Variants in PFKFB4 observed in about 807,000 individuals in gnomAD.
PFKFB4 encodes the protein 6-phosphofructo-2-kinase/fructose-2,6-biphosphatase 4.
PFKFB4 carries 42 observed loss-of-function variants against 62.8 expected under a neutral mutation model. The ratio of observed to expected loss-of-function variants is 0.67; its 90% confidence interval spans 0.52 to 0.86. The LOEUF (loss-of-function observed/expected upper bound fraction) is 0.86. Ranked by LOEUF, PFKFB4 falls within the 40% of genes least tolerant of loss-of-function variation. The pLI is 0.00. For missense variants in PFKFB4, 475 were observed against 627.2 expected (o/e 0.76, Z 2.59); for synonymous variants, 204 against 240.7 (o/e 0.85, Z 1.41).
intron 9 of PFKFB4, among the ~76,000 whole-genome samples, chr3:48,527,664 A>G (rs2042305403): frequency 1.3e-5 from 2 of 150,932 alleles, no homozygotes; most frequent in African/African-American, 4.9e-5. Flanking sequence ...GAAGAGGATG[A>G]CAGAGAAAGC....
At chr3:48,559,893 TCCC>T, upstream of PFKFB4, 2 of 222,350 alleles carry the variant, frequency 9.0e-6, no homozygotes, top group South Asian at 6.7e-5. Context: ...TGCCAAACCA[TCCC>T]ACCACACACA....
chr3:48,561,090 C>CTG (rs1243139626), upstream of PFKFB4: 3 of 1,283,904 alleles, frequency 2.3e-6, no homozygotes, highest in Non-Finnish European at 3.0e-6. This position sits in a 1 kb window ranked among gnomAD's most constrained non-coding sequence, Gnocchi z 5.2. Context: ...GGTCAGGGAG[C>CTG]TGCCTCCTAA....
upstream of PFKFB4, chr3:48,561,513 C>T (rs1257917830): frequency 6.5e-6 from 1 of 153,776 alleles, no homozygotes; most frequent in African/African-American, 2.4e-5. This position sits in a 1 kb window ranked among gnomAD's most constrained non-coding sequence, Gnocchi z 5.2. Flanking sequence ...AAAACCTAGT[C>T]CTTCCAAACC....
intron 9 of PFKFB4, among the ~76,000 whole-genome samples, chr3:48,528,444 T>C (rs1430360425): frequency 1.3e-5 from 2 of 152,244 alleles, no homozygotes; most frequent in East Asian, 3.9e-4. Flanking sequence ...GGTAGATCTC[T>C]TGAGCCCAGG....
chr3:48,523,419 A>G lies in PFKFB4; in HGVS notation c.1285+118T>C, dbSNP rs572040823. On this transcript the variant is annotated intron_variant, in intron 12 of 13. Transcript: ENST00000232375. The stretch of plus-strand genomic sequence containing the variant: ...AGCAAATTGGGAAAGGTGGTGGGGT[A>G]GTAGGTGGAGGAATGGGCTCCTAAC... 302 of 932,218 alleles carry G rather than the reference A, an allele frequency of 3.2e-4. 1 individual carries two copies. The African/African-American group carries it at 4.3e-3, about 13-fold the overall frequency. The allele number at this position is 932,218 out of a possible 1,614,324, so 57.7% of individuals were successfully genotyped here. A position where few individuals can be genotyped will look rare whatever the true frequency, so the allele number is the denominator to read the frequency against.
At position 48,537,516 on chromosome 3, in the gene PFKFB4, CTTTTTT is replaced by C. The variant is rs34454675; in HGVS notation, c.632+976_632+981del. 2.6e-3 allele frequency among the ~76,000 whole-genome samples: 242 copies of C among 91,378 alleles called. 1 individual carries two copies. The South Asian group carries it at 0.032, about 12-fold the overall frequency. 59.9% of individuals were successfully genotyped at this position (91,378 alleles called of 152,430 possible). ...TTGTGTTTCTTGGTTCATGTGCATC[CTTTTTT>C]TTTTTTTTTTTTTTTTTTTGAGACA... On this transcript the variant is annotated intron_variant, in intron 7 of 13. Coordinates refer to ENST00000232375, the MANE Select transcript of PFKFB4 (RefSeq NM_004567.4).
At chr3:48,536,035 G>T (rs1213819392) in intron 8 of PFKFB4, among the ~76,000 whole-genome samples, 1 of 152,230 alleles carries the variant, frequency 6.6e-6, no homozygotes, top group East Asian at 1.9e-4. Context: ...GGGGCTCAGT[G>T]AGTGACAGCT....
intron 1 of PFKFB4, among the ~76,000 whole-genome samples, chr3:48,550,517 C>T (rs1291081914): frequency 6.6e-6 from 1 of 152,166 alleles, no homozygotes; most frequent in Non-Finnish European, 1.5e-5. Context: ...TAAAGTCAAC[C>T]GAACTTGCCA....
intron 4 of PFKFB4, among the ~76,000 whole-genome samples, chr3:48,542,084 C>A (rs970738622): frequency 6.6e-6 from 1 of 152,184 alleles, no homozygotes; most frequent in Non-Finnish European, 1.5e-5. Context: ...TGGTGGCTCA[C>A]GCCTGTAATC....
At chr3:48,557,423 C>A (rs994890037), upstream of PFKFB4, among the ~76,000 whole-genome samples, 1 of 152,250 alleles carries the variant, frequency 6.6e-6, no homozygotes, top group Non-Finnish European at 1.5e-5. Flanking sequence ...TTCCGCCGTC[C>A]ATAGGAGCAT....
At chr3:48,563,005 G>A (rs1262492641), upstream of PFKFB4, 2 of 1,610,682 alleles carry the variant, frequency 1.2e-6, no homozygotes, top group Non-Finnish European at 1.7e-6. The surrounding 1 kb of genome is among the most constrained non-coding windows in gnomAD (Gnocchi z 4.5). Flanking sequence ...CCGCAGGTCG[G>A]GGAGTGGTCT....
chr3:48,534,463 G>C lies in PFKFB4; in HGVS notation c.987+1049C>G, dbSNP rs150921490. Among the ~76,000 whole-genome samples the C allele has an allele frequency of 4.7e-3, 719 of 152,176 alleles. 7 individuals carry two copies. Among genetic ancestry groups the C allele is most frequent in the Non-Finnish European group, 7.8e-3 (528 of 67,988 alleles). On this transcript the variant is annotated intron_variant, in intron 9 of 13. Coordinates refer to ENST00000232375, the MANE Select transcript of PFKFB4 (RefSeq NM_004567.4). The stretch of plus-strand genomic sequence containing the variant: ...AATTGCTAAAAATCAGCAATAAAGA[G>C]AAAATATTCCAGCCTAGGCAACATC...
chr3:48,560,199 A>G (rs1329821922), upstream of PFKFB4, among the ~76,000 whole-genome samples: 2 of 152,078 alleles, frequency 1.3e-5, no homozygotes, highest in Non-Finnish European at 2.9e-5. Flanking sequence ...GCACACACAG[A>G]CGCACACACA....
At chr3:48,562,162 A>T (rs1198426929), upstream of PFKFB4, 1 of 152,982 alleles carries the variant, frequency 6.5e-6, no homozygotes, top group Non-Finnish European at 1.5e-5. This position sits in a 1 kb window ranked among gnomAD's most constrained non-coding sequence, Gnocchi z 4.3. Context: ...TGCCATGGTC[A>T]CAGGCTTCCT....
chr3:48,560,534 T>C (rs1416927936), upstream of PFKFB4, among the ~76,000 whole-genome samples: 1 of 152,178 alleles, frequency 6.6e-6, no homozygotes. Flanking sequence ...TGCTTAGGGA[T>C]TCAGGACCAG....
chr3:48,559,519 C>G (rs1454791291), upstream of PFKFB4: 9 of 457,018 alleles, frequency 2.0e-5, no homozygotes, highest in East Asian at 6.2e-4. Flanking sequence ...TGTGCTCCCA[C>G]TCCCCTGTGT....
chr3:48,561,648 C>T (rs957342194), upstream of PFKFB4: 2 of 152,280 alleles, frequency 1.3e-5, no homozygotes, highest in Admixed American at 6.5e-5. The surrounding 1 kb of genome is among the most constrained non-coding windows in gnomAD (Gnocchi z 5.2). Flanking sequence ...ATCCTTCAGT[C>T]GCTTTGTGTT....
upstream of PFKFB4, among the ~76,000 whole-genome samples, chr3:48,557,241 G>A (rs531011229): frequency 6.6e-6 from 1 of 152,176 alleles, no homozygotes; most frequent in South Asian, 2.1e-4. Flanking sequence ...GGAGCCCAGG[G>A]CCCCCAGGAG....
chr3:48,522,973 G>C (rs1032690411), intron 12 of PFKFB4, among the ~76,000 whole-genome samples: 1 of 151,924 alleles, frequency 6.6e-6, no homozygotes, highest in Non-Finnish European at 1.5e-5. Flanking sequence ...ATGTTAGCCA[G>C]GAGGGTCTCT....
Sources: gnomAD v4.1 joint callset for allele counts (sites outside exome capture counted in the v4.1 genomes callset) on GRCh38, gnomAD v4.1.1 for gene constraint, Gnocchi (gnomAD v3.1) non-coding constraint, MANE v1.5 for transcripts, NCBI Gene and HGNC (gene_info 2026-07-23, HGNC 2026-07-21) for gene names.